The following LAMB1 variants were observed in gnomAD, a reference collection of about 807,000 sequenced individuals.
The protein encoded by LAMB1 is laminin subunit beta 1, also known as laminin subunit beta-1.
LAMB1 carries 121 observed loss-of-function variants against 222.3 expected under a neutral mutation model. The ratio of observed to expected loss-of-function variants is 0.54; its 90% CI spans 0.47 to 0.63. The LOEUF is 0.63. Among genes scored for constraint, LAMB1 ranks in the 30% least tolerant of loss-of-function variants. The pLI is 0.00. For missense variants in LAMB1, 2,172 were observed against 2,240.8 expected, an observed-to-expected ratio of 0.97 and a Z score of 0.62; for synonymous variants, 794 against 807.2, an observed-to-expected ratio of 0.98 and a Z score of 0.28.
At chr7:107,952,272 G>A in intron 22 of LAMB1, 49 bp from the exon 23 acceptor site, 3 of 1,400,772 alleles carry the variant, frequency 2.1e-6, no homozygotes, top group Non-Finnish European at 3.0e-6. Flanking sequence ...CAAATACACA[G>A]GCATGCGGAT....
chr7:107,959,248 C>G lies in LAMB1; in HGVS notation c.2690+1G>C. 1 of 1,609,154 alleles carries G rather than the reference C, an allele frequency of 6.2e-7. No individual in the cohort carries two copies. The highest frequency in any genetic ancestry group is 8.5e-7 in the Non-Finnish European group (1 of 1,175,782). On this transcript the variant is annotated splice_donor_variant, in intron 20 of 33. Coordinates refer to ENST00000222399, the MANE Select transcript of LAMB1 (RefSeq NM_002291.3). LOFTEE classifies it high-confidence loss of function. ...TCTCCTTACTTTCAGCATCTGCATA[C>G]CTTTCACAGTTATGACCCATGGTGT... is the stretch of plus-strand genomic sequence containing the variant.
intron 31 of LAMB1, among the ~76,000 whole-genome samples, chr7:107,926,638 A>AC (rs1300916650): frequency 2.0e-5 from 3 of 151,946 alleles, no homozygotes; most frequent in African/African-American, 7.3e-5. Context: ...AAAAAACCCC[A>AC]CCTCCCCAAG....
rs770606786 is a variant in LAMB1, at chr7:107,996,657, T to C, written c.350-1697A>G. Among the ~76,000 whole-genome samples the C allele has an allele frequency of 2.2e-4, 34 of 152,212 alleles. 1 individual carries two copies. Among genetic ancestry groups the C allele is most frequent in the Non-Finnish European group, 8.8e-5 (6 of 68,036 alleles). ...TGACAGAGAACTCAAGCCCCTCTAC[T>C]GGAAAATCTCTTCTTTCTGGCATCT... On this transcript the variant is annotated intron_variant, in intron 4 of 33. Coordinates refer to ENST00000222399, the MANE Select transcript of LAMB1 (RefSeq NM_002291.3).
At chr7:107,934,749 A>C (rs1249446986) in intron 27 of LAMB1, among the ~76,000 whole-genome samples, 6 of 152,214 alleles carry the variant, frequency 3.9e-5, no homozygotes, top group African/African-American at 1.4e-4. Flanking sequence ...GGGTTTTATA[A>C]TTCAAATCAG....
chr7:107,941,864 A>G, intron 24 of LAMB1, among the ~76,000 whole-genome samples: 1 of 98,164 alleles, frequency 1.0e-5, no homozygotes, highest in African/African-American at 4.1e-5. Context: ...TTTTTAAGAG[A>G]CGGTGTTTCT....
rs2033473344 is a variant in LAMB1 at position 107,960,450 on chromosome 7, C to T, written c.2309G>A (p.Gly770Asp). The change falls in exon 18 of 34, where the codon GGC (glycine) becomes GAC (aspartate). Residue 770 changes from glycine (G) to aspartate (D), a missense_variant. Transcript: ENST00000222399. The stretch of plus-strand genomic sequence containing the variant: ...AGCTGCCCAGCAATACCTACCCAGG[C>T]CTGTCTGGTGTAACAGGGCAGAAAT... ...FSISALLHQT[G>D]LACECDPQGS... is the part of the protein sequence containing the mutation. The T allele has an allele frequency of 1.2e-6, 2 of 1,613,522 alleles. No homozygotes were observed. Among genetic ancestry groups the T allele is most frequent in the South Asian group, 2.2e-5 (2 of 91,064 alleles).
chr7:107,981,237 A>G (rs2033967108), intron 7 of LAMB1, among the ~76,000 whole-genome samples: 1 of 152,178 alleles, frequency 6.6e-6, no homozygotes, highest in South Asian at 2.1e-4. Flanking sequence ...ACCTGAGGTC[A>G]GGAGTTCAAA....
chr7:107,979,171 T>TA (rs942375414), intron 8 of LAMB1, among the ~76,000 whole-genome samples: 48 of 152,238 alleles, frequency 3.2e-4, no homozygotes, highest in African/African-American at 1.2e-3. Flanking sequence ...TGTTATGCCG[T>TA]AAAGGGAACA....
At chr7:107,960,690 G>GC in intron 17 of LAMB1, 41 bp from the exon 18 acceptor site, 1 of 1,560,844 alleles carries the variant, frequency 6.4e-7, no homozygotes, top group Non-Finnish European at 8.8e-7. Flanking sequence ...TTACAGTGGT[G>GC]CCCCATGGCA....
intron 13 of LAMB1, among the ~76,000 whole-genome samples, chr7:107,972,039 C>T (rs1406492104): frequency 6.6e-6 from 1 of 152,188 alleles, no homozygotes; most frequent in African/African-American, 2.4e-5. Context: ...TGTCTTTCTT[C>T]CCTGCTTTTA....
In LAMB1 at chr7:107,980,633, T is replaced by C. The variant is rs140773514; in HGVS notation, c.855A>G (p.Gly285=). The C allele has an allele frequency of 8.3e-4, 1,339 of 1,614,064 alleles. 9 individuals are homozygous for C. In the East Asian group the frequency reaches 0.015, roughly 18 times the overall value. ...CCATTCCTTCCACTTCTTCATTGAA[T>C]CCATCCACAGGGGCACATTCGCTGG... ...GHASECAPVD[G]FNEEVEGMVH... The change falls in exon 8 of 34, where the codon GGA becomes GGG. Residue 285 remains glycine (G), a synonymous_variant. Transcript: ENST00000222399.
chr7:107,934,161 C>CA (rs2032782291), intron 27 of LAMB1, among the ~76,000 whole-genome samples: 1 of 152,054 alleles, frequency 6.6e-6, no homozygotes. Flanking sequence ...TAATAAATGA[C>CA]AGATTATTTG....
At chr7:107,950,959 T>TGTGC (rs1554405430) in intron 24 of LAMB1, 34 of 359,360 alleles carry the variant, frequency 9.5e-5, no homozygotes, top group Non-Finnish European at 1.0e-4. Flanking sequence ...TGTGTGTGTG[T>TGTGC]GTGCTTACAC....
chr7:107,998,812 A>G (rs541927467), intron 3 of LAMB1, among the ~76,000 whole-genome samples: 32 of 152,376 alleles, frequency 2.1e-4, no homozygotes, highest in Non-Finnish European at 3.4e-4. Context: ...CAGCTAGAGA[A>G]GCTTACTCTA....
chr7:107,928,097 T>TC, intron 31 of LAMB1, among the ~76,000 whole-genome samples: 1 of 152,384 alleles, frequency 6.6e-6, no homozygotes, highest in Middle Eastern at 3.4e-3. Flanking sequence ...CAAAAGAATT[T>TC]AATGGAATTA....
rs2033955784 is a variant in LAMB1 at position 107,980,724 on chromosome 7, C to A, written c.764G>T (p.Arg255Ile). The A allele has an allele frequency of 6.2e-7, 1 of 1,613,604 alleles. No homozygotes were observed. ...ATAAACTGCATAATAATACTTTTCT[C>A]TGATTTCCATCCTGGAATCCAGAAG... ...DNLLDSRMEI[R>I]EKYYYAVYDM... Residue 255 changes from arginine (R) to isoleucine (I), a missense_variant, in exon 8 of 34, where the codon AGA (arginine) becomes ATA (isoleucine). Physicochemically the swap from Arg to Ile is moderately conservative, Grantham distance 97. Transcript: ENST00000222399.
At chr7:108,002,756 C>G in intron 2 of LAMB1, 93 bp downstream of exon 2, 1 of 1,556,000 alleles carries the variant, frequency 6.4e-7, no homozygotes, top group Admixed American at 1.7e-5. Flanking sequence ...TCCCAAGCCC[C>G]CAGGATCCCA....
At position 107,955,564 on chromosome 7, in the gene LAMB1, G is replaced by A; in HGVS notation, c.2757C>T (p.Cys919=). 2 of 1,614,042 alleles carry A rather than the reference G, an allele frequency of 1.2e-6. No homozygotes were observed. The highest frequency in any genetic ancestry group is 1.7e-6 in the Non-Finnish European group (2 of 1,179,980). Residue 919 remains cysteine, a synonymous_variant, in exon 21 of 34, where the codon TGC becomes TGT. Coordinates refer to ENST00000222399, the MANE Select transcript of LAMB1 (RefSeq NM_002291.3). ...GSGDHCRPCP[C]PDGPDSGRQF... The stretch of plus-strand genomic sequence containing the variant: ...GGCGTCCACTGTCGGGACCATCTGG[G>A]CAAGGGCAAGGGCGGCAGTGATCTC...
intron 7 of LAMB1, 84 bp downstream of exon 7, chr7:107,985,937 AC>A (rs1352447102): frequency 9.4e-7 from 1 of 1,062,112 alleles, no homozygotes; most frequent in African/African-American, 1.6e-5. Flanking sequence ...AGCCTGGGCA[AC>A]AAGAGCGGAA....
Sources: allele counts gnomAD v4.1 joint callset (sites outside exome capture counted in the v4.1 genomes callset), GRCh38; gene constraint gnomAD v4.1.1; transcripts MANE v1.5; gene names NCBI Gene and HGNC (gene_info 2026-07-23, HGNC 2026-07-21).